C10orf67: variants seen among roughly 807,000 people sequenced by gnomAD.
C10orf67 encodes uncharacterized protein C10orf67, mitochondrial.
In C10orf67, 60 loss-of-function variants were observed where a neutral mutation model predicts 35.6. The observed-to-expected ratio is 1.68, with a 90% CI of 1.37 to 2.09. C10orf67 has a LOEUF of 2.09. C10orf67 is among the 30% of genes most tolerant of loss of function. C10orf67 has a pLI of 0.00. For missense variants in C10orf67, 474 were observed against 330.2 expected (o/e 1.44, Z -3.38); for synonymous variants, 167 against 115.8 (o/e 1.44, Z -2.84).
intron 5 of C10orf67, among the ~76,000 whole-genome samples, chr10:23,302,139 G>C (rs1179634580): frequency 6.6e-6 from 1 of 152,058 alleles, no homozygotes; most frequent in Non-Finnish European, 1.5e-5. Context: ...CATACAAAGG[G>C]AGAGGACCCA....
intron 2 of C10orf67, among the ~76,000 whole-genome samples, chr10:23,331,698 A>AG (rs1238798310): frequency 7.1e-6 from 1 of 140,158 alleles, no homozygotes. Flanking sequence ...GAAGAAGGGA[A>AG]GGGGGAAGGG....
intron 5 of C10orf67, among the ~76,000 whole-genome samples, chr10:23,301,029 A>G (rs967961745): frequency 4.6e-5 from 7 of 152,224 alleles, no homozygotes; most frequent in Admixed American, 6.5e-5. Context: ...GAATTTACCT[A>G]GGTCTATTTT....
At chr10:23,298,204 G>A (rs1021675025) in intron 5 of C10orf67, among the ~76,000 whole-genome samples, 3 of 152,192 alleles carry the variant, frequency 2.0e-5, no homozygotes, top group East Asian at 1.9e-4. Flanking sequence ...GCAGTGAGCC[G>A]AGATGGCACC....
chr10:23,261,626 T>C (rs376609312), intron 10 of C10orf67, among the ~76,000 whole-genome samples: 1 of 152,200 alleles, frequency 6.6e-6, no homozygotes, highest in East Asian at 1.9e-4. Context: ...TTAAAGATTT[T>C]TTTAAAGCCT....
intron 2 of C10orf67, among the ~76,000 whole-genome samples, chr10:23,328,993 C>CAAAAGA (rs1845308736): frequency 1.3e-5 from 1 of 78,732 alleles, no homozygotes; most frequent in African/African-American, 4.9e-5. Flanking sequence ...CATAAACGAA[C>CAAAAGA]AAAAAAAAAA....
chr10:23,241,659 T>A (rs529301583), intron 12 of C10orf67, among the ~76,000 whole-genome samples: 2 of 152,226 alleles, frequency 1.3e-5, no homozygotes, highest in South Asian at 4.1e-4. Flanking sequence ...GTGGGCCCAA[T>A]GTAATCACAA....
At chr10:23,241,963 A>T (rs1416151342) in intron 12 of C10orf67, among the ~76,000 whole-genome samples, 4 of 148,692 alleles carry the variant, frequency 2.7e-5, no homozygotes, top group East Asian at 2.0e-4. Context: ...AAGAACTGAC[A>T]TTTTTTTTTT....
chr10:23,331,219 AGGGAAGGGAG>A (rs1341175232), intron 2 of C10orf67, among the ~76,000 whole-genome samples: 1 of 15,430 alleles, frequency 6.5e-5, no homozygotes, highest in Non-Finnish European at 9.8e-5. Context: ...AGGGAAGGGA[AGGGAAGGGAG>A]GAGGGAAGGG....
At chr10:23,244,471 A>G (rs1247074126) in intron 12 of C10orf67, among the ~76,000 whole-genome samples, 2 of 152,192 alleles carry the variant, frequency 1.3e-5, no homozygotes, top group African/African-American at 2.4e-5. Context: ...CAATTACTCT[A>G]TCAAAAAACC....
In C10orf67 at chr10:23,287,174, C is replaced by T. The variant is rs567237647; in HGVS notation, c.909+2726G>A. Among the ~76,000 whole-genome samples the T allele has an allele frequency of 3.3e-5, 5 of 152,266 alleles. 1 individual carries two copies. Among genetic ancestry groups the T allele is most frequent in the African/African-American group, 1.2e-4 (5 of 41,556 alleles). On this transcript the variant is annotated intron_variant, in intron 7 of 15. Coordinates refer to ENST00000636213, the MANE Select transcript of C10orf67 (RefSeq NM_001371909.1). ...GAAGACCCTGTACAGCCAAGACAAT[C>T]CTAAGCAAAAAGAACAAAGTTGGAG...
chr10:23,333,825 T>C lies in C10orf67; in HGVS notation c.207-643A>G, dbSNP rs542945901. 1.7e-3 allele frequency among the ~76,000 whole-genome samples: 264 copies of C among 152,172 alleles called. 3 individuals are homozygous for C. The highest frequency in any genetic ancestry group is 1.6e-3 in the Non-Finnish European group (107 of 67,996). On this transcript the variant is annotated intron_variant, in intron 1 of 15. Coordinates refer to ENST00000636213, the MANE Select transcript of C10orf67 (RefSeq NM_001371909.1). ...TTTTGTTTTAGAACAATACAGCTAG[T>C]TTTTCTTTAAAATATGCTATTTCCA...
At chr10:23,207,645 C>T (rs1013287281) in intron 15 of C10orf67, among the ~76,000 whole-genome samples, 18 of 152,188 alleles carry the variant, frequency 1.2e-4, no homozygotes, top group African/African-American at 3.6e-4. Context: ...TAAACCACAT[C>T]GGTCACAGTT....
chr10:23,323,966 C>CAT (rs1554816689), intron 2 of C10orf67, among the ~76,000 whole-genome samples: 1 of 107,014 alleles, frequency 9.3e-6, no homozygotes, highest in Non-Finnish European at 1.9e-5. Flanking sequence ...CACACACACA[C>CAT]ATATGAGTTA....
intron 1 of C10orf67, among the ~76,000 whole-genome samples, chr10:23,341,434 T>A (rs1311166731): frequency 6.6e-6 from 1 of 152,192 alleles, no homozygotes; most frequent in Non-Finnish European, 1.5e-5. Context: ...TGCTACCCCA[T>A]GGTCATCTTC....
intron 13 of C10orf67, among the ~76,000 whole-genome samples, chr10:23,237,486 T>C (rs1012327870): frequency 2.0e-5 from 3 of 152,206 alleles, no homozygotes; most frequent in African/African-American, 7.2e-5. Flanking sequence ...CAGCTTTTTT[T>C]TTCATAATAG....
At chr10:23,333,273 G>A (rs4259746) in intron 1 of C10orf67, 91 bp from the exon 2 acceptor site, 488,868 of 1,185,830 alleles carry the variant, frequency 0.41, 101,965 homozygotes, top group Admixed American at 0.47. Context: ...AAATCATATC[G>A]TATTTTAAGT....
At chr10:23,209,851 C>A (rs530206855) in intron 15 of C10orf67, among the ~76,000 whole-genome samples, 1 of 151,688 alleles carries the variant, frequency 6.6e-6, no homozygotes, top group Admixed American at 6.6e-5. Context: ...AATACAAAAA[C>A]TTACTGGGCG....
At chr10:23,246,980 C>T (rs1353342044) in intron 12 of C10orf67, among the ~76,000 whole-genome samples, 1 of 151,760 alleles carries the variant, frequency 6.6e-6, no homozygotes, top group Non-Finnish European at 1.5e-5. Flanking sequence ...TGTGCACCAC[C>T]ACGTGAAAAA....
chr10:23,282,057 A>G lies in C10orf67; in HGVS notation c.931T>C (p.Leu311=), dbSNP rs980947364. 4 of 630,764 alleles carry G rather than the reference A, an allele frequency of 6.3e-6. No homozygotes were observed. Among genetic ancestry groups the G allele is most frequent in the African/African-American group, 3.8e-5 (2 of 52,860 alleles). 39.1% of individuals were successfully genotyped at this position (630,764 alleles called of 1,614,324 possible). A position where few individuals can be genotyped will look rare whatever the true frequency, so the allele number is the denominator to read the frequency against. ...TTTTCATAATGAAGCTCTTCTCTTA[A>G]TCTGTCTCTACTATCCATTAACTGA... ...IQKLMDSRDR[L]REELHYEKSL... The change falls in exon 8 of 16, where the codon TTA becomes CTA. Residue 311 remains leucine, a synonymous_variant. Coordinates refer to ENST00000636213, the MANE Select transcript of C10orf67 (RefSeq NM_001371909.1).
Sources: allele counts gnomAD v4.1 joint callset (sites outside exome capture counted in the v4.1 genomes callset), GRCh38; gene constraint gnomAD v4.1.1; transcripts MANE v1.5; gene names NCBI Gene and HGNC (gene_info 2026-07-23, HGNC 2026-07-21).